NOTCH1: variants seen among roughly 807,000 people sequenced by gnomAD.
The protein encoded by NOTCH1 is neurogenic locus notch homolog protein 1.
A neutral mutation model predicts 254.8 loss-of-function variants in NOTCH1; 37 were observed. The observed-to-expected ratio is 0.15, with a 90% CI of 0.11 to 0.19. The LOEUF (loss-of-function observed/expected upper bound fraction) is 0.19, where lower values mean the gene tolerates loss of function less well. NOTCH1 is among the 10% of genes least tolerant of loss of function. The pLI, the probability that NOTCH1 is intolerant of heterozygous loss-of-function variation, is 1.00. For missense variants in NOTCH1, 2,972 were observed against 3,708.6 expected, an observed-to-expected ratio of 0.80 and a Z score of 5.16; for synonymous variants, 1,731 against 1,618.1, an observed-to-expected ratio of 1.07 and a Z score of -1.68.
At chr9:136,541,694 A>G (rs1263948526) in intron 2 of NOTCH1, among the ~76,000 whole-genome samples, 2 of 152,178 alleles carry the variant, frequency 1.3e-5, no homozygotes, top group Admixed American at 1.3e-4. Flanking sequence ...AAGCCCAGGG[A>G]GGGAGCCCGG....
intron 2 of NOTCH1, among the ~76,000 whole-genome samples, chr9:136,532,580 G>A (rs1053909109): frequency 2.0e-5 from 3 of 152,152 alleles, no homozygotes; most frequent in Non-Finnish European, 4.4e-5. Flanking sequence ...TGCCGCCCGA[G>A]ACCCAGCTAC....
At chr9:136,533,613 C>T (rs1414764692) in intron 2 of NOTCH1, among the ~76,000 whole-genome samples, 2 of 152,222 alleles carry the variant, frequency 1.3e-5, no homozygotes, top group Non-Finnish European at 2.9e-5. Flanking sequence ...AGAGAGCTGC[C>T]CTCTCTGGCC....
Position 136,506,781 on chromosome 9 carries a change from C to T in NOTCH1, c.3836G>A (p.Arg1279His), listed in dbSNP as rs61751543. The part of the protein sequence containing the change: ...NECLSNPCDA[R>H]GTQNCVQRVN... Reference sequence around the variant, plus strand: ...GCGCTGCACGCAGTTCTGGGTGCCACGGGCGTCGCAGGGATTGGACAGGCA... The same window carrying T: ...GCGCTGCACGCAGTTCTGGGTGCCATGGGCGTCGCAGGGATTGGACAGGCA... Residue 1279 changes from arginine to histidine, a missense_variant, in exon 23 of 34, where the codon CGT (arginine) becomes CAT (histidine). Around this residue, in one of 8 missense-constraint regions of NOTCH1, gnomAD observed 1,343 missense variants for 1,557.0 expected, o/e 0.86. Coordinates refer to ENST00000651671, the MANE Select transcript of NOTCH1 (RefSeq NM_017617.5). This position sits in a 1 kb window ranked among gnomAD's most constrained non-coding sequence, Gnocchi z 4.5. 0.022 allele frequency: 36,145 copies of T among 1,609,884 alleles called. 495 individuals are homozygous for T. Among genetic ancestry groups the T allele is most frequent in the Non-Finnish European group, 0.027 (32,078 of 1,178,586 alleles).
At chr9:136,515,942 G>T in intron 10 of NOTCH1, 39 bp downstream of exon 10, 2 of 1,524,160 alleles carry the variant, frequency 1.3e-6, no homozygotes, top group African/African-American at 1.4e-5. Context: ...GCCCTGTCCC[G>T]TCCCCAGTCC....
At chr9:136,509,155 C>A in intron 18 of NOTCH1, 84 bp from the exon 19 acceptor site, 1 of 1,315,624 alleles carries the variant, frequency 7.6e-7, no homozygotes, top group Non-Finnish European at 1.1e-6. Flanking sequence ...CCAGCACCTC[C>A]CCTTCTGCTC....
chr9:136,496,886 C>T lies in NOTCH1; in HGVS notation c.6853G>A (p.Val2285Ile), dbSNP rs61751489. 0.019 allele frequency: 30,370 copies of T among 1,612,814 alleles called. 902 individuals carry two copies. The highest frequency in any genetic ancestry group is 0.14 in the Admixed American group (8,277 of 60,010). ...HLPVASGTSTVLGSSSGGALN... is the reference protein window; with the variant it reads ...HLPVASGTSTILGSSSGGALN... ...GCCCCTCCGCTGCTGGAGCCCAGGA[C>T]GGTGCTGGTGCCAGAGGCCACAGGC... Residue 2285 changes from valine to isoleucine, a missense_variant, in exon 34 of 34, where the codon GTC becomes ATC. Around this residue, in one of 8 missense-constraint regions of NOTCH1, gnomAD observed 529 missense variants for 529.2 expected, o/e 1.00. Transcript: ENST00000651671.
rs1209736979 is a variant in NOTCH1 at position 136,506,491 on chromosome 9, T to C, written c.4014+36A>G. The stretch of plus-strand genomic sequence containing the variant: ...CGTGGACCTCTCCAGGTGTCTCCCC[T>C]GGCGGGCCCCTGCCTCCCTGCACCC... On this transcript the variant is annotated intron_variant, in intron 24 of 33. Coordinates refer to ENST00000651671, the MANE Select transcript of NOTCH1 (RefSeq NM_017617.5). This position sits in a 1 kb window ranked among gnomAD's most constrained non-coding sequence, Gnocchi z 4.5. 11 of 1,544,252 alleles carry C rather than the reference T, an allele frequency of 7.1e-6. No homozygotes were observed. Among genetic ancestry groups the C allele is most frequent in the Non-Finnish European group, 9.6e-6 (11 of 1,143,202 alleles).
rs192619687 is a variant in NOTCH1 at position 136,496,568 on chromosome 9, G to C, written c.7171C>G (p.Gln2391Glu). 1.2e-6 allele frequency: 2 copies of C among 1,611,956 alleles called. No homozygotes were observed. The highest frequency in any genetic ancestry group is 1.7e-6 in the Non-Finnish European group (2 of 1,179,984). The change falls in exon 34 of 34, where the codon CAG becomes GAG. Residue 2391 changes from glutamine to glutamate, a missense_variant. Gln to Glu is a conservative substitution (Grantham distance 29, BLOSUM62 2). Transcript: ENST00000651671. ...QTQQVQPQNL[Q>E]MQQQNLQPAN... ...GGCTGCAGGTTCTGCTGCTGCATCTGTAAGTTTTGTGGCTGCACCTGCTGG... is the reference window on the plus strand; with the variant it reads ...GGCTGCAGGTTCTGCTGCTGCATCTCTAAGTTTTGTGGCTGCACCTGCTGG...
chr9:136,494,898 C>A lies in NOTCH1; in HGVS notation c.*1173G>T. On this transcript the variant is annotated 3_prime_UTR_variant, in exon 34 of 34. Transcript: ENST00000651671. ...CAAACTAGGAGGGGTGGCCCAAGGG[C>A]AGCCCCCGCCTCCCTCCAGCCCCTG... The A allele has an allele frequency of 2.5e-6, 1 of 398,628 alleles. No homozygotes were observed. 24.7% of individuals were successfully genotyped at this position (398,628 alleles called of 1,614,324 possible).
chr9:136,525,415 C>T (rs1843443730), intron 2 of NOTCH1, among the ~76,000 whole-genome samples: 1 of 152,122 alleles, frequency 6.6e-6, no homozygotes, highest in Non-Finnish European at 1.5e-5. Context: ...TGGGACCCGC[C>T]GGGCGCCGCT....
intron 2 of NOTCH1, among the ~76,000 whole-genome samples, chr9:136,535,991 G>GT (rs1843650379): frequency 7.6e-6 from 1 of 130,962 alleles, no homozygotes; most frequent in Non-Finnish European, 1.7e-5. Context: ...CATGGTGGGT[G>GT]GGGGGGAGCA....
intron 4 of NOTCH1, among the ~76,000 whole-genome samples, chr9:136,522,476 G>A (rs1243051503): frequency 6.6e-6 from 1 of 152,188 alleles, no homozygotes; most frequent in East Asian, 1.9e-4. Context: ...GGCTTGGGAA[G>A]TGATGGTGCC....
In NOTCH1 at chr9:136,513,068, A is replaced by G. The variant is rs1265223880; in HGVS notation, c.2420T>C (p.Ile807Thr). 6.2e-7 allele frequency: 1 copy of G among 1,612,484 alleles called. No homozygotes were observed. The highest frequency in any genetic ancestry group is 8.5e-7 in the Non-Finnish European group (1 of 1,179,888). ...GCACTTGTACCCGGCAACGTCGTCA[A>G]TACACGTGCCCTGGTTCAGACATGG... The part of the protein sequence containing the change: ...SNPCLNQGTC[I>T]DDVAGYKCNC... Residue 807 changes from isoleucine to threonine, a missense_variant, in exon 15 of 34, where the codon ATT (isoleucine) becomes ACT (threonine). This residue lies in a region of NOTCH1 where 1,343 missense variants were observed against 1,557.0 expected (regional missense o/e 0.86). Coordinates refer to ENST00000651671, the MANE Select transcript of NOTCH1 (RefSeq NM_017617.5). This position sits in a 1 kb window ranked among gnomAD's most constrained non-coding sequence, Gnocchi z 4.7.
chr9:136,508,945 A>G lies in NOTCH1; in HGVS notation c.3096T>C (p.His1032=). The G allele has an allele frequency of 6.4e-7, 1 of 1,550,884 alleles. No homozygotes were observed. Among genetic ancestry groups the G allele is most frequent in the South Asian group, 1.2e-5 (1 of 84,136 alleles). Residue 1032 remains histidine (H), a synonymous_variant, in exon 19 of 34, where the codon CAT becomes CAC. Coordinates refer to ENST00000651671, the MANE Select transcript of NOTCH1 (RefSeq NM_017617.5). ...VNECDSQPCL[H]GGTCQDGCGS... ...CGCAGCCGTCCTGACAGGTGCCGCC[A>G]TGCAGGCAGGGCTGTGAGTCGCACT... is the stretch of plus-strand genomic sequence containing the variant.
In NOTCH1 at chr9:136,519,582, C is replaced by T. The variant is rs759467563; in HGVS notation, c.743-17G>A. 5.6e-6 allele frequency: 9 copies of T among 1,612,470 alleles called. No homozygotes were observed. Among genetic ancestry groups the T allele is most frequent in the East Asian group, 2.2e-5 (1 of 44,874 alleles). ...CGGTGAAGCCTGCCGCAAGAGGGGC[C>T]GGGTCAGCCTCTTCCCTGAGGTCCA... is the stretch of plus-strand genomic sequence containing the variant. On this transcript the variant is annotated splice_polypyrimidine_tract_variant and intron_variant, in intron 4 of 33. Transcript: ENST00000651671.
At position 136,544,041 on chromosome 9, in the gene NOTCH1, A is replaced by G. The variant is rs1207676067; in HGVS notation, c.123T>C (p.Asn41=). 4 of 1,574,886 alleles carry G rather than the reference A, an allele frequency of 2.5e-6. No individual in the cohort carries two copies. Among genetic ancestry groups the G allele is most frequent in the Non-Finnish European group, 3.4e-6 (4 of 1,161,108 alleles). Residue 41 remains asparagine (N), a synonymous_variant, in exon 2 of 34, where the codon AAT becomes AAC. Transcript: ENST00000651671. ...GTACTCACACGCAGGCCTCCGTGCCATTGGCCGCTTCACACTTCCCGCCAT... is the reference window on the plus strand; with the variant it reads ...GTACTCACACGCAGGCCTCCGTGCCGTTGGCCGCTTCACACTTCCCGCCAT... ...CLNGGKCEAA[N]GTEACVCGGA...
At chr9:136,504,339 G>A (rs1843043767) in intron 26 of NOTCH1, among the ~76,000 whole-genome samples, 1 of 152,248 alleles carries the variant, frequency 6.6e-6, no homozygotes, top group African/African-American at 2.4e-5. Flanking sequence ...GCCTGGCAGA[G>A]GGCTGAGTTT....
In NOTCH1 at chr9:136,504,946, G is replaced by A. The variant is rs771357343; in HGVS notation, c.4745C>T (p.Pro1582Leu). Residue 1582 changes from proline (P) to leucine (L), a missense_variant, in exon 26 of 34, where the codon CCG becomes CTG. Around this residue, in one of 8 missense-constraint regions of NOTCH1, gnomAD observed 1,343 missense variants for 1,557.0 expected, o/e 0.86. Transcript: ENST00000651671. ...GAAGGAGCTGTTGCGCAGCTGCTCCGGCGGCATCAGCACCACCACCACCAG... is the reference window on the plus strand; with the variant it reads ...GAAGGAGCTGTTGCGCAGCTGCTCCAGCGGCATCAGCACCACCACCACCAG... ...GTLVVVVLMP[P>L]EQLRNSSFHF... 3.1e-6 allele frequency: 5 copies of A among 1,587,656 alleles called. No individual in the cohort carries two copies. Among genetic ancestry groups the A allele is most frequent in the Non-Finnish European group, 4.3e-6 (5 of 1,168,904 alleles).
intron 31 of NOTCH1, 28 bp from the exon 32 acceptor site, chr9:136,499,287 G>A (rs2133323380): frequency 2.5e-6 from 4 of 1,610,112 alleles, no homozygotes; most frequent in African/African-American, 2.7e-5. Flanking sequence ...GCTCAGGCGG[G>A]TGCTGGGCAG....
Sources: gnomAD v4.1 joint callset for allele counts (sites outside exome capture counted in the v4.1 genomes callset) on GRCh38, gnomAD v4.1.1 for gene constraint, gnomAD v4.1.1 regional missense constraint, Gnocchi (gnomAD v3.1) non-coding constraint, MANE v1.5 for transcripts, NCBI Gene and HGNC (gene_info 2026-07-23, HGNC 2026-07-21) for gene names.